PDE3A: variants seen among roughly 807,000 people sequenced by gnomAD.
The protein encoded by PDE3A is cGMP-inhibited 3',5'-cyclic phosphodiesterase 3A.
Under a neutral mutation model 98.3 loss-of-function variants are expected in PDE3A, and 43 were observed. The observed-to-expected ratio is 0.44, with a 90% CI of 0.34 to 0.56. The LOEUF is 0.56. PDE3A is among the 20% of genes least tolerant of loss of function. The pLI is 0.01. For missense variants in PDE3A, 1,427 were observed against 1,440.7 expected (o/e 0.99, Z 0.15); for synonymous variants, 663 against 567.9 (o/e 1.17, Z -2.38).
At chr12:20,398,010 A>T (rs2120644577) in intron 1 of PDE3A, among the ~76,000 whole-genome samples, 1 of 151,776 alleles carries the variant, frequency 6.6e-6, no homozygotes, top group East Asian at 1.9e-4. Flanking sequence ...AAGAATCAGT[A>T]GTATTCATCC....
chr12:20,473,165 G>A (rs1945470279), intron 1 of PDE3A, among the ~76,000 whole-genome samples: 1 of 152,136 alleles, frequency 6.6e-6, no homozygotes, highest in South Asian at 2.1e-4. Context: ...TTATGCACAT[G>A]AAAGAGTATA....
At chr12:20,403,543 C>A (rs17324684) in intron 1 of PDE3A, among the ~76,000 whole-genome samples, 4,214 of 152,198 alleles carry the variant, frequency 0.028, 92 homozygotes, top group Admixed American at 0.06. Context: ...TACCATCTAG[C>A]AGCCTTTTCT....
chr12:20,438,414 C>A (rs1034283263), intron 1 of PDE3A, among the ~76,000 whole-genome samples: 2 of 152,022 alleles, frequency 1.3e-5, no homozygotes, highest in Admixed American at 1.3e-4. Flanking sequence ...CAAGGTTATG[C>A]GAATACACAG....
intron 1 of PDE3A, among the ~76,000 whole-genome samples, chr12:20,402,839 A>G (rs1425449891): frequency 6.6e-6 from 1 of 152,226 alleles, no homozygotes; most frequent in African/African-American, 2.4e-5. Flanking sequence ...TTATGTTGCT[A>G]TAATCCTAAG....
chr12:20,470,077 G>GT (rs1012990287), intron 1 of PDE3A, among the ~76,000 whole-genome samples: 127 of 145,926 alleles, frequency 8.7e-4, no homozygotes, highest in African/African-American at 1.9e-3. Context: ...TTTTTTTTCT[G>GT]TTTTTTTTTC....
At chr12:20,636,838 G>A (rs920547575) in intron 8 of PDE3A, among the ~76,000 whole-genome samples, 12 of 152,170 alleles carry the variant, frequency 7.9e-5, no homozygotes, top group Non-Finnish European at 5.9e-5. Context: ...CCGTGTTTTT[G>A]CTGGAGTGTA....
intron 12 of PDE3A, 22 bp downstream of exon 12, chr12:20,646,972 A>G: frequency 6.5e-7 from 1 of 1,543,482 alleles, no homozygotes; most frequent in East Asian, 2.3e-5. Flanking sequence ...GATTTTGGTT[A>G]GGAGAACTAA....
intron 14 of PDE3A, among the ~76,000 whole-genome samples, chr12:20,651,076 C>T (rs969055107): frequency 1.2e-4 from 18 of 151,734 alleles, no homozygotes; most frequent in African/African-American, 1.2e-4. Flanking sequence ...TATGGTAGTT[C>T]GAATGTATCT....
chr12:20,380,327 A>G (rs1333677405), intron 1 of PDE3A, among the ~76,000 whole-genome samples: 1 of 151,868 alleles, frequency 6.6e-6, no homozygotes, highest in Non-Finnish European at 1.5e-5. Flanking sequence ...CATCATGTGG[A>G]ATGATCTAGA....
At chr12:20,648,422 A>G (rs566202633) in intron 12 of PDE3A, among the ~76,000 whole-genome samples, 37 of 152,008 alleles carry the variant, frequency 2.4e-4, no homozygotes, top group Non-Finnish European at 4.6e-4. Flanking sequence ...TTTAAAAAAT[A>G]TCTATTAAGA....
At chr12:20,461,690 G>C (rs529599972) in intron 1 of PDE3A, among the ~76,000 whole-genome samples, 1 of 152,258 alleles carries the variant, frequency 6.6e-6, no homozygotes, top group East Asian at 1.9e-4. Context: ...TGATGGTGAT[G>C]ACGATTATTA....
intron 1 of PDE3A, among the ~76,000 whole-genome samples, chr12:20,385,519 G>A (rs891660770): frequency 1.1e-4 from 17 of 152,030 alleles, no homozygotes; most frequent in Admixed American, 1.0e-3. Flanking sequence ...ATTCACAATA[G>A]CAAAGACTTG....
intron 15 of PDE3A, among the ~76,000 whole-genome samples, chr12:20,669,057 A>C (rs1204578227): frequency 6.6e-6 from 1 of 151,850 alleles, no homozygotes; most frequent in African/African-American, 2.4e-5. Context: ...AGAATGCAGA[A>C]GCCTCAGGAG....
At chr12:20,634,831 CA>C in intron 7 of PDE3A, 70 bp from the exon 8 acceptor site, 1 of 1,109,118 alleles carries the variant, frequency 9.0e-7, no homozygotes, top group East Asian at 2.4e-5. Flanking sequence ...TGCATCTTAG[CA>C]AAATTTGCTT....
intron 15 of PDE3A, among the ~76,000 whole-genome samples, chr12:20,674,204 T>A (rs1479238436): frequency 2.0e-5 from 3 of 152,182 alleles, no homozygotes; most frequent in Admixed American, 6.5e-5. Flanking sequence ...TTATCAGATC[T>A]AAGAGTTTTT....
At chr12:20,557,342 T>C (rs988825295) in intron 2 of PDE3A, 3 of 152,396 alleles carry the variant, frequency 2.0e-5, no homozygotes, top group African/African-American at 7.2e-5. Context: ...TTACTTTCCC[T>C]GATGGAATAA....
rs75770370 is a variant in PDE3A at position 20,600,110 on chromosome 12, T to A, written c.1012-13333T>A. 6.3e-3 allele frequency among the ~76,000 whole-genome samples: 965 copies of A among 152,292 alleles called. 7 individuals are homozygous for A. The highest frequency in any genetic ancestry group is 0.022 in the African/African-American group (896 of 41,572). On this transcript the variant is annotated intron_variant, in intron 2 of 15. Coordinates refer to ENST00000359062, the MANE Select transcript of PDE3A (RefSeq NM_000921.5). Reference sequence around the variant, plus strand: ...GGCTTTTAAAAGTTGATATTGATTATGGCTCTAGCCTCAGTATACTCCTTT... The same window carrying A: ...GGCTTTTAAAAGTTGATATTGATTAAGGCTCTAGCCTCAGTATACTCCTTT...
At chr12:20,672,070 C>G (rs1353518272) in intron 15 of PDE3A, among the ~76,000 whole-genome samples, 1 of 151,664 alleles carries the variant, frequency 6.6e-6, no homozygotes, top group Non-Finnish European at 1.5e-5. Context: ...AATAGAGAGC[C>G]AAATCATGAG....
intron 1 of PDE3A, among the ~76,000 whole-genome samples, chr12:20,463,750 T>C (rs1003430570): frequency 8.5e-5 from 13 of 152,196 alleles, no homozygotes; most frequent in African/African-American, 3.1e-4. Context: ...ATGTACCTGC[T>C]GAGGAAAATG....
Sources: gnomAD v4.1 joint callset for allele counts (sites outside exome capture counted in the v4.1 genomes callset) on GRCh38, gnomAD v4.1.1 for gene constraint, MANE v1.5 for transcripts, NCBI Gene and HGNC (gene_info 2026-07-23, HGNC 2026-07-21) for gene names.